The following DNMT3A variants were observed in gnomAD, a reference collection of about 807,000 sequenced individuals.
The protein encoded by DNMT3A is DNA (cytosine-5)-methyltransferase 3A.
In DNMT3A, 267 loss-of-function variants were observed where a neutral mutation model predicts 117.6. The ratio of observed to expected loss-of-function variants is 2.27; its 90% confidence interval spans 2.05 to 2.51. The LOEUF (loss-of-function observed/expected upper bound fraction) is 2.51, where lower values mean the gene tolerates loss of function less well. Among genes scored for constraint, DNMT3A ranks in the 30% most tolerant of loss-of-function variants. The pLI, the probability that DNMT3A is intolerant of heterozygous loss-of-function variation, is 0.00. For synonymous variants in DNMT3A, 432 were observed against 474.8 expected (o/e 0.91, Z 1.17); for missense variants, 1,029 against 1,260.2 (o/e 0.82, Z 2.78).
At chr2:25,295,780 G>T (rs944386224) in intron 3 of DNMT3A, among the ~76,000 whole-genome samples, 1 of 152,150 alleles carries the variant, frequency 6.6e-6, no homozygotes, top group East Asian at 1.9e-4. Flanking sequence ...ACTACCTCAC[G>T]CAGGTTTGTC....
At chr2:25,334,534 G>A (rs2035136787) in intron 1 of DNMT3A, among the ~76,000 whole-genome samples, 1 of 152,180 alleles carries the variant, frequency 6.6e-6, no homozygotes, top group African/African-American at 2.4e-5. Context: ...GAACCATTTG[G>A]GCCACAACAG....
At chr2:25,275,115 A>AT in intron 5 of DNMT3A, 28 bp from the exon 6 acceptor site, 1 of 1,544,190 alleles carries the variant, frequency 6.5e-7, no homozygotes, top group South Asian at 1.2e-5. Flanking sequence ...ACATTAGGGC[A>AT]TTAGGGTGGG....
intron 6 of DNMT3A, among the ~76,000 whole-genome samples, chr2:25,265,358 A>C (rs2030225476): frequency 6.6e-6 from 1 of 152,224 alleles, no homozygotes; most frequent in Non-Finnish European, 1.5e-5. Context: ...CAAGCCAGGA[A>C]ACCAGGAAAA....
chr2:25,264,625 G>A lies in DNMT3A; in HGVS notation c.639+10316C>T, dbSNP rs572379405. On this transcript the variant is annotated intron_variant, in intron 6 of 22. Coordinates refer to ENST00000321117, the MANE Select transcript of DNMT3A (RefSeq NM_022552.5). Reference sequence around the variant, plus strand: ...TGGGAGGTGCCTGCCACCACGCCCGGCTAATTTTTTGTATTTTTAGTAGAG... The same window carrying A: ...TGGGAGGTGCCTGCCACCACGCCCGACTAATTTTTTGTATTTTTAGTAGAG... Among the ~76,000 whole-genome samples the A allele has an allele frequency of 2.0e-5, 3 of 151,916 alleles. No homozygotes were observed. In the East Asian group the frequency reaches 5.9e-4, roughly 30 times the overall value.
chr2:25,328,072 C>T (rs1270351350), intron 1 of DNMT3A, among the ~76,000 whole-genome samples: 1 of 152,212 alleles, frequency 6.6e-6, no homozygotes, highest in African/African-American at 2.4e-5. Flanking sequence ...CAAGGATTGC[C>T]CACACATGGC....
rs183113266 is a variant in DNMT3A, at chr2:25,275,198, C to T, written c.493-111G>A. ...CACTGGCTCCTGGCCAGAGAGGGCA[C>T]CCCTGGGAGTGCTGGGCAGGCCCCG... is the stretch of plus-strand genomic sequence containing the variant. On this transcript the variant is annotated intron_variant, in intron 5 of 22. Transcript: ENST00000321117. 2.1e-6 allele frequency: 3 copies of T among 1,401,776 alleles called. No individual in the cohort carries two copies. The South Asian group carries it at 4.4e-5, about 21-fold the overall frequency. 86.8% of individuals were successfully genotyped at this position (1,401,776 alleles called of 1,614,324 possible).
intron 6 of DNMT3A, among the ~76,000 whole-genome samples, chr2:25,262,167 C>A (rs372675320): frequency 7.7e-6 from 1 of 129,294 alleles, no homozygotes; most frequent in Non-Finnish European, 1.5e-5. Context: ...TCCAGCCTGG[C>A]GAGAGAGCAA....
At chr2:25,290,781 C>T (rs1020715268) in intron 3 of DNMT3A, among the ~76,000 whole-genome samples, 4 of 137,640 alleles carry the variant, frequency 2.9e-5, no homozygotes, top group Admixed American at 8.2e-5. Flanking sequence ...CAGCGATCAC[C>T]GGGGAAGGGG....
At chr2:25,292,869 C>T (rs1200096816) in intron 3 of DNMT3A, among the ~76,000 whole-genome samples, 1 of 152,118 alleles carries the variant, frequency 6.6e-6, no homozygotes, top group Admixed American at 6.5e-5. Context: ...ACAGGAGGAA[C>T]AATGCAGGTG....
At chr2:25,242,837 ATC>A (rs1180225251) in intron 16 of DNMT3A, among the ~76,000 whole-genome samples, 1 of 152,164 alleles carries the variant, frequency 6.6e-6, no homozygotes, top group Non-Finnish European at 1.5e-5. Flanking sequence ...GTGACCCAGC[ATC>A]TCCTAAAGGT....
chr2:25,294,964 G>A lies in DNMT3A; in HGVS notation c.177+5175C>T, dbSNP rs2033001657. On this transcript the variant is annotated intron_variant, in intron 3 of 22. Coordinates refer to ENST00000321117, the MANE Select transcript of DNMT3A (RefSeq NM_022552.5). This position sits in a 1 kb window ranked among gnomAD's most constrained non-coding sequence, Gnocchi z 4.7. ...CCCTCTGAGCAAAAATAACCCTGGA[G>A]GAAGTTGGTGGGTATAAATCGTCAA... Among the ~76,000 whole-genome samples the A allele has an allele frequency of 6.6e-6, 1 of 152,154 alleles. No individual in the cohort carries two copies. Among genetic ancestry groups the A allele is most frequent in the Non-Finnish European group, 1.5e-5 (1 of 68,024 alleles).
Position 25,252,288 on chromosome 2 carries a change from AG to A in DNMT3A, c.640-4037del. 2 of 187,704 alleles carry A rather than the reference AG, an allele frequency of 1.1e-5. No individual in the cohort carries two copies. Among genetic ancestry groups the A allele is most frequent in the Non-Finnish European group, 7.5e-6 (1 of 133,168 alleles). 11.6% of individuals were successfully genotyped at this position (187,704 alleles called of 1,614,324 possible). The stretch of plus-strand genomic sequence containing the variant: ...TAGCTGCCCGTCTTGGGGGAGGGGA[AG>A]GGGGCGATGGGGCTGGGGGCGGAGG... On this transcript the variant is annotated intron_variant, in intron 6 of 22. Coordinates refer to ENST00000321117, the MANE Select transcript of DNMT3A (RefSeq NM_022552.5). The surrounding 1 kb of genome is among the most constrained non-coding windows in gnomAD (Gnocchi z 5.5).
In DNMT3A at chr2:25,228,032, AT is replaced by A. The variant is rs1488143796; in HGVS notation, c.*6246del. 6.6e-6 allele frequency: 1 copy of A among 151,452 alleles called. No homozygotes were observed. Among genetic ancestry groups the A allele is most frequent in the African/African-American group, 2.4e-5 (1 of 41,158 alleles). The allele number at this position is 151,452 out of a possible 1,614,324, so 9.4% of individuals were successfully genotyped here. On this transcript the variant is annotated 3_prime_UTR_variant, in exon 23 of 23. Transcript: ENST00000321117. The stretch of plus-strand genomic sequence containing the variant: ...TCTGTTGTACGCATTGACCTCTTTA[AT>A]TATTTCATAAACAGCTATGTCACGA...
At chr2:25,310,843 C>A (rs2034074927) in intron 2 of DNMT3A, among the ~76,000 whole-genome samples, 1 of 152,166 alleles carries the variant, frequency 6.6e-6, no homozygotes, top group Non-Finnish European at 1.5e-5. Flanking sequence ...TGGGTCCCAT[C>A]CCCCGAGTTC....
intron 6 of DNMT3A, among the ~76,000 whole-genome samples, chr2:25,263,926 T>C (rs1286225882): frequency 6.6e-6 from 1 of 152,180 alleles, no homozygotes; most frequent in Non-Finnish European, 1.5e-5. Context: ...TTAGTATTTC[T>C]AAAACAACCC....
Position 25,247,746 on chromosome 2 carries a change from C to T in DNMT3A, c.859G>A (p.Gly287Ser), listed in dbSNP as rs1224917720. 3 of 1,612,082 alleles carry T rather than the reference C, an allele frequency of 1.9e-6. No individual in the cohort carries two copies. The highest frequency in any genetic ancestry group is 2.5e-6 in the Non-Finnish European group (3 of 1,179,976). The change falls in exon 8 of 23, where the codon GGC becomes AGC. Residue 287 changes from glycine (G) to serine (S), a missense_variant. By Grantham distance (56) the Gly-to-Ser change is moderately conservative. Coordinates refer to ENST00000321117, the MANE Select transcript of DNMT3A (RefSeq NM_022552.5). This position sits in a 1 kb window ranked among gnomAD's most constrained non-coding sequence, Gnocchi z 5.6. ...AGDDEPEYED[G>S]RGFGIGELVW... ...AGCTCCCCAATGCCAAAGCCCCGGC[C>T]GTCCTGGAGCCCCAAGGAGCAGAAA... is the stretch of plus-strand genomic sequence containing the variant.
rs1454342052 is a variant in DNMT3A at position 25,231,108 on chromosome 2, C to T, written c.*3171G>A. 1 of 152,378 alleles carries T rather than the reference C, an allele frequency of 6.6e-6. No individual in the cohort carries two copies. The highest frequency in any genetic ancestry group is 6.5e-5 in the Admixed American group (1 of 15,286). 9.4% of individuals were successfully genotyped at this position (152,378 alleles called of 1,614,324 possible). A position where few individuals can be genotyped will look rare whatever the true frequency, so the allele number is the denominator to read the frequency against. On this transcript the variant is annotated 3_prime_UTR_variant, in exon 23 of 23. Transcript: ENST00000321117. ...TTGGGAGAGCCTGAGCCTTAGAAGACTCTGTCCTGACCCTGGGAGCCGGGA... is the reference window on the plus strand; with the variant it reads ...TTGGGAGAGCCTGAGCCTTAGAAGATTCTGTCCTGACCCTGGGAGCCGGGA...
chr2:25,331,487 T>C (rs975679611), intron 1 of DNMT3A, among the ~76,000 whole-genome samples: 1 of 152,224 alleles, frequency 6.6e-6, no homozygotes, highest in Non-Finnish European at 1.5e-5. Context: ...ACGGAAAGGC[T>C]GGACAGCTTG....
chr2:25,341,699 G>T, intron 1 of DNMT3A, 127 bp downstream of exon 1: 1 of 682,564 alleles, frequency 1.5e-6, no homozygotes, highest in Non-Finnish European at 1.8e-6. Context: ...GCCCGGCGCC[G>T]AGTTGCAGGG....
Sources: allele counts gnomAD v4.1 joint callset (sites outside exome capture counted in the v4.1 genomes callset), GRCh38; gene constraint gnomAD v4.1.1; non-coding constraint Gnocchi (gnomAD v3.1); transcripts MANE v1.5; gene names NCBI Gene and HGNC (gene_info 2026-07-23, HGNC 2026-07-21).